Variants in NABP2 observed in about 807,000 individuals in gnomAD.
NABP2 encodes SOSS complex subunit B1.
Under a neutral mutation model 22.7 loss-of-function variants are expected in NABP2, and 7 were observed. That is an observed-to-expected ratio of 0.31 (90% CI 0.18 to 0.58). NABP2 has a LOEUF of 0.58. Among genes scored for constraint, NABP2 ranks in the 20% least tolerant of loss-of-function variants. The pLI is 0.89. For synonymous variants in NABP2, 107 were observed against 99.2 expected (o/e 1.08, Z -0.47); for missense variants, 188 against 265.9 (o/e 0.71, Z 2.04).
upstream of NABP2, among the ~76,000 whole-genome samples, chr12:56,222,462 C>T (rs1410060949): frequency 6.6e-6 from 1 of 152,198 alleles, no homozygotes. Context: ...CTCCCAGGCG[C>T]TCTCCTGCCG....
chr12:56,229,424 C>G lies in NABP2; in HGVS notation c.*211C>G. 3.4e-6 allele frequency: 2 copies of G among 584,774 alleles called. No homozygotes were observed. The highest frequency in any genetic ancestry group is 6.1e-6 in the Non-Finnish European group (2 of 330,128). The allele number at this position is 584,774 out of a possible 1,614,324, so 36.2% of individuals were successfully genotyped here. On this transcript the variant is annotated 3_prime_UTR_variant, in exon 7 of 7. Transcript: ENST00000267023. ...TGGGAGTCAGGACCCTCTGCCTGCT[C>G]TCTTTCCTCTTTAGAAATGGCAGTT...
upstream of NABP2, among the ~76,000 whole-genome samples, chr12:56,223,914 C>T (rs1292200625): frequency 6.6e-6 from 1 of 152,222 alleles, no homozygotes; most frequent in Non-Finnish European, 1.5e-5. Flanking sequence ...CTATGCCTCC[C>T]TACGTGCTGG....
At position 56,226,375 on chromosome 12, in the gene NABP2, C is replaced by G. The variant is rs1462861975; in HGVS notation, c.392C>G (p.Pro131Arg). The G allele has an allele frequency of 6.2e-7, 1 of 1,613,688 alleles. No homozygotes were observed. The highest frequency in any genetic ancestry group is 1.3e-5 in the African/African-American group (1 of 74,882). ...CTTCAGGTGCAGAACGACAGCAACC[C>G]TTCAGCTTCCCAGCCTACCACTGGA... ...PNKAVQNDSN[P>R]SASQPTTGPS... The change falls in exon 6 of 7, where the codon CCT becomes CGT. Residue 131 changes from proline (P) to arginine (R), a missense_variant. Pro to Arg is a moderately radical substitution (Grantham distance 103). Transcript: ENST00000267023.
At chr12:56,226,622 A>C in intron 6 of NABP2, among the ~76,000 whole-genome samples, 1 of 132,420 alleles carries the variant, frequency 7.6e-6, no homozygotes, top group South Asian at 2.5e-4. Context: ...CTGGAGTGCA[A>C]TGGCGTGATC....
At chr12:56,228,017 AC>A (rs1456230671) in intron 6 of NABP2, among the ~76,000 whole-genome samples, 1 of 151,676 alleles carries the variant, frequency 6.6e-6, no homozygotes, top group Non-Finnish European at 1.5e-5. Context: ...ACATGGAGAA[AC>A]CCCATCTCTA....
intron 6 of NABP2, among the ~76,000 whole-genome samples, chr12:56,228,548 A>G (rs1565594362): frequency 6.6e-6 from 1 of 151,666 alleles, no homozygotes; most frequent in Non-Finnish European, 1.5e-5. Context: ...CACCACACCT[A>G]GCTAATTTTT....
In NABP2 at chr12:56,224,801, G is replaced by T. The variant is rs548087926; in HGVS notation, c.-23-33G>T. 7 of 1,576,114 alleles carry T rather than the reference G, an allele frequency of 4.4e-6. No individual in the cohort carries two copies. In the African/African-American group the frequency reaches 9.4e-5, roughly 21 times the overall value. ...TGGAGCATGGGGGCAAAGGATCCAA[G>T]CATTGAGCCTTCATCCTCTATTCCC... On this transcript the variant is annotated intron_variant, in intron 1 of 6. Transcript: ENST00000267023.
At chr12:56,225,718 G>A (rs1395534131) in intron 4 of NABP2, 23 bp downstream of exon 4, 1 of 1,613,356 alleles carries the variant, frequency 6.2e-7, no homozygotes, top group Admixed American at 1.7e-5. Context: ...TTGGGGATTG[G>A]GATGAAGAAG....
At chr12:56,224,628 C>T in intron 1 of NABP2, 187 bp downstream of exon 1, 1 of 1,131,380 alleles carries the variant, frequency 8.8e-7, no homozygotes, top group Non-Finnish European at 1.2e-6. Flanking sequence ...GGGGGCCTTC[C>T]AGCCCCAAAG....
chr12:56,226,000 C>T (rs1869743219), intron 4 of NABP2, among the ~76,000 whole-genome samples, 179 bp from the exon 5 acceptor site: 1 of 151,996 alleles, frequency 6.6e-6, no homozygotes, highest in Non-Finnish European at 1.5e-5. Flanking sequence ...TGGGGTTTCG[C>T]CATGTTGCCC....
At chr12:56,225,263 G>C in intron 2 of NABP2, 110 bp from the exon 3 acceptor site, 1 of 1,465,568 alleles carries the variant, frequency 6.8e-7, no homozygotes, top group Non-Finnish European at 9.5e-7. Context: ...GCTTTCCCCT[G>C]TTTGTACACC....
Position 56,229,087 on chromosome 12 carries a change from T to TTGGGCGCCCC in NABP2, c.510_511insTGGGCGCCCC (p.Pro171TrpfsTer33). The TTGGGCGCCCC allele has an allele frequency of 6.6e-7, 1 of 1,512,344 alleles. No individual in the cohort carries two copies. Among genetic ancestry groups the TTGGGCGCCCC allele is most frequent in the Non-Finnish European group, 9.1e-7 (1 of 1,102,012 alleles). The allele number at this position is 1,512,344 out of a possible 1,614,324, so 93.7% of individuals were successfully genotyped here. On this transcript the variant is annotated frameshift_variant, in exon 7 of 7. Transcript: ENST00000267023. LOFTEE classifies it high-confidence loss of function. The stretch of plus-strand genomic sequence containing the variant: ...GTGGTGGCCCACATCCCCCTCATAC[T>TTGGGCGCCCC]CCCTCCCACCCACCCAGCACCCGAA...
rs754910573 is a variant in NABP2, at chr12:56,225,627, C to T, written c.222C>T (p.Tyr74=). 4.3e-6 allele frequency: 7 copies of T among 1,614,072 alleles called. No homozygotes were observed. In the South Asian group the frequency reaches 5.5e-5, roughly 13 times the overall value. The change falls in exon 4 of 7, where the codon TAC becomes TAT. Residue 74 remains tyrosine, a synonymous_variant. Coordinates refer to ENST00000267023, the MANE Select transcript of NABP2 (RefSeq NM_024068.4). The part of the protein sequence containing the change: ...PGDIIRLTKG[Y]ASVFKGCLTL... Reference sequence around the variant, plus strand: ...TTGCTTTTTTTGCCTCCCATAGGTACGCTTCAGTTTTCAAAGGTTGTCTGA... The same window carrying T: ...TTGCTTTTTTTGCCTCCCATAGGTATGCTTCAGTTTTCAAAGGTTGTCTGA...
At chr12:56,225,039 G>T in intron 2 of NABP2, 104 bp downstream of exon 2, 1 of 844,688 alleles carries the variant, frequency 1.2e-6, no homozygotes, top group South Asian at 1.5e-5. Flanking sequence ...AAGGCAAGCT[G>T]CAAGACACTC....
At position 56,229,061 on chromosome 12, in the gene NABP2, G is replaced by A. The variant is rs756410440; in HGVS notation, c.484G>A (p.Gly162Ser). Residue 162 changes from glycine (G) to serine (S), a missense_variant, in exon 7 of 7, where the codon GGT (glycine) becomes AGT (serine). Physicochemically the swap from Gly to Ser is moderately conservative, Grantham distance 56. Coordinates refer to ENST00000267023, the MANE Select transcript of NABP2 (RefSeq NM_024068.4). Reference protein sequence around the residue: ...GNGLSAPPGPGGGPHPPHTPS... With the variant: ...GNGLSAPPGPSGGPHPPHTPS... ...TGGACTGAGTGCCCCACCAGGTCCC[G>A]GTGGTGGCCCACATCCCCCTCATAC... is the stretch of plus-strand genomic sequence containing the variant. 15 of 1,612,860 alleles carry A rather than the reference G, an allele frequency of 9.3e-6. No homozygotes were observed. In the East Asian group the frequency reaches 1.1e-4, roughly 12 times the overall value.
chr12:56,226,294 G>A, intron 5 of NABP2, 34 bp downstream of exon 5: 1 of 1,613,854 alleles, frequency 6.2e-7, no homozygotes, highest in African/African-American at 1.3e-5. Flanking sequence ...GGGAAAGGAG[G>A]GCAGATCAAG....
upstream of NABP2, chr12:56,222,344 C>T (rs1439407992): frequency 6.6e-6 from 1 of 152,260 alleles, no homozygotes; most frequent in Non-Finnish European, 1.5e-5. Flanking sequence ...CCCTTGACTC[C>T]TGTCATGGGA....
In NABP2 at chr12:56,229,259, C is replaced by G; in HGVS notation, c.*46C>G. 6.2e-7 allele frequency: 1 copy of G among 1,602,968 alleles called. No homozygotes were observed. The highest frequency in any genetic ancestry group is 8.5e-7 in the Non-Finnish European group (1 of 1,172,916). ...CCACCAACCACATCCCAAGTGTCCC[C>G]TGGAGAGCAAGATAGCCTTCCACTG... On this transcript the variant is annotated 3_prime_UTR_variant, in exon 7 of 7. Transcript: ENST00000267023.
Position 56,229,098 on chromosome 12 carries a change from C to T in NABP2, c.521C>T (p.Pro174Leu). ...GPHPPHTPSH[P>L]PSTRITRSQP... Reference sequence around the variant, plus strand: ...CATCCCCCTCATACTCCCTCCCACCCACCCAGCACCCGAATCACTCGAAGC... The same window carrying T: ...CATCCCCCTCATACTCCCTCCCACCTACCCAGCACCCGAATCACTCGAAGC... The change falls in exon 7 of 7, where the codon CCA becomes CTA. Residue 174 changes from proline to leucine, a missense_variant. Transcript: ENST00000267023. The T allele has an allele frequency of 1.2e-6, 2 of 1,608,226 alleles. No individual in the cohort carries two copies. Among genetic ancestry groups the T allele is most frequent in the Non-Finnish European group, 1.7e-6 (2 of 1,177,220 alleles).
Sources: gnomAD v4.1 joint callset for allele counts (sites outside exome capture counted in the v4.1 genomes callset) on GRCh38, gnomAD v4.1.1 for gene constraint, MANE v1.5 for transcripts, NCBI Gene and HGNC (gene_info 2026-07-23, HGNC 2026-07-21) for gene names.